Variants in COX10 observed in about 807,000 individuals in gnomAD.
The protein encoded by COX10 is cytochrome c oxidase assembly factor heme A:farnesyltransferase COX10, also known as protoheme IX farnesyltransferase, mitochondrial.
COX10 carries 27 observed loss-of-function variants against 37.3 expected under a neutral mutation model. The observed-to-expected ratio is 0.72, with a 90% CI of 0.53 to 1.00. COX10 has a LOEUF of 1.00. Ranked by LOEUF, COX10 falls within the 50% of genes least tolerant of loss-of-function variation. The pLI is 0.00. For missense variants in COX10, 475 were observed against 563.2 expected (o/e 0.84, Z 1.59); for synonymous variants, 222 against 229.1 (o/e 0.97, Z 0.28).
chr17:14,202,057 T>C (rs1906556685), intron 6 of COX10, among the ~76,000 whole-genome samples: 1 of 151,090 alleles, frequency 6.6e-6, no homozygotes, highest in Non-Finnish European at 1.5e-5. Context: ...AAATGCCTTC[T>C]AGTTGATAGT....
chr17:14,176,277 C>A (rs1209090003), intron 5 of COX10, among the ~76,000 whole-genome samples: 6 of 151,992 alleles, frequency 3.9e-5, no homozygotes, highest in African/African-American at 1.5e-4. Flanking sequence ...ACCTGTAATT[C>A]ATTATAAGGG....
intron 5 of COX10, among the ~76,000 whole-genome samples, chr17:14,174,531 A>T (rs1028088444): frequency 3.3e-5 from 5 of 152,166 alleles, no homozygotes; most frequent in African/African-American, 1.2e-4. Context: ...GGCGTTAAAT[A>T]AGCAAAAGAT....
At chr17:14,092,122 C>T (rs747123838) in intron 3 of COX10, among the ~76,000 whole-genome samples, 1 of 151,960 alleles carries the variant, frequency 6.6e-6, no homozygotes, top group African/African-American at 2.4e-5. Context: ...CAAGGAAAAG[C>T]GATAATTGAA....
chr17:14,119,799 T>C (rs1483180844), intron 4 of COX10, among the ~76,000 whole-genome samples: 2 of 152,154 alleles, frequency 1.3e-5, no homozygotes, highest in Non-Finnish European at 2.9e-5. Context: ...AGGGTGTAGC[T>C]CAGACCATGA....
chr17:14,163,129 T>C (rs1905202033), intron 5 of COX10, among the ~76,000 whole-genome samples: 1 of 152,226 alleles, frequency 6.6e-6, no homozygotes, highest in Non-Finnish European at 1.5e-5. Context: ...GTGCTGCTCT[T>C]CAACCACCAG....
intron 4 of COX10, among the ~76,000 whole-genome samples, chr17:14,111,752 G>T (rs1916008929): frequency 6.6e-6 from 1 of 152,054 alleles, no homozygotes; most frequent in South Asian, 2.1e-4. Flanking sequence ...GTGTCATATT[G>T]CTGTCATTAG....
At chr17:14,090,966 G>C (rs1479496335) in intron 3 of COX10, among the ~76,000 whole-genome samples, 1 of 152,196 alleles carries the variant, frequency 6.6e-6, no homozygotes. Flanking sequence ...ATGGAGAAAA[G>C]AAGTGTAGCG....
At position 14,124,602 on chromosome 17, in the gene COX10, T is replaced by A. The variant is rs144705921; in HGVS notation, c.624+22360T>A. Among the ~76,000 whole-genome samples the A allele has an allele frequency of 9.0e-3, 1,373 of 152,246 alleles. 6 individuals carry two copies. Among genetic ancestry groups the A allele is most frequent in the Non-Finnish European group, 0.014 (986 of 68,012 alleles). On this transcript the variant is annotated intron_variant, in intron 4 of 6. Coordinates refer to ENST00000261643, the MANE Select transcript of COX10 (RefSeq NM_001303.4). ...GCTTCTTGATAATTAAGATGGTATA[T>A]TCATTTCATAACAGTTGATTGTTAG...
intron 6 of COX10, among the ~76,000 whole-genome samples, chr17:14,198,370 G>A (rs1906432246): frequency 6.6e-6 from 1 of 152,082 alleles, no homozygotes; most frequent in Non-Finnish European, 1.5e-5. Flanking sequence ...TCTTGCCAAG[G>A]CCCCCTCTTT....
chr17:14,206,952 G>A lies in COX10; in HGVS notation c.1071G>A (p.Ala357=), dbSNP rs770198211. ...ACCCGGGCCTGTGCCGGCGCGTGGC[G>A]CTGCGCCACTGCCTGGCCCTGCTCG... The part of the protein sequence containing the change: ...VTHPGLCRRV[A]LRHCLALLVL... Residue 357 remains alanine (A), a synonymous_variant, in exon 7 of 7, where the codon GCG becomes GCA. Transcript: ENST00000261643. The A allele has an allele frequency of 2.3e-5, 37 of 1,613,752 alleles. No individual in the cohort carries two copies. In the South Asian group the frequency reaches 3.2e-4, roughly 14 times the overall value.
chr17:14,178,929 C>T (rs1310411091), intron 5 of COX10, among the ~76,000 whole-genome samples: 1 of 152,150 alleles, frequency 6.6e-6, no homozygotes, highest in East Asian at 1.9e-4. Flanking sequence ...GACAAAAGTA[C>T]CTAAGGCAAA....
In COX10 at chr17:14,207,229, C is replaced by T; in HGVS notation, c.*16C>T. The T allele has an allele frequency of 6.4e-7, 1 of 1,566,544 alleles. No homozygotes were observed. Among genetic ancestry groups the T allele is most frequent in the Non-Finnish European group, 8.6e-7 (1 of 1,160,034 alleles). Reference sequence around the variant, plus strand: ...TCCCAGCTGAGAGCACTGGGACGCCCACCGCCCCTTTCCCTCCGCTGCCAG... The same window carrying T: ...TCCCAGCTGAGAGCACTGGGACGCCTACCGCCCCTTTCCCTCCGCTGCCAG... On this transcript the variant is annotated 3_prime_UTR_variant, in exon 7 of 7. Transcript: ENST00000261643.
chr17:14,106,730 C>T (rs757164857), intron 4 of COX10, among the ~76,000 whole-genome samples: 11 of 152,012 alleles, frequency 7.2e-5, no homozygotes, highest in Non-Finnish European at 1.0e-4. Context: ...TGATGACTTA[C>T]GAGGTGGGAG....
chr17:14,110,938 T>C (rs868304552), intron 4 of COX10, among the ~76,000 whole-genome samples: 37 of 152,288 alleles, frequency 2.4e-4, no homozygotes, highest in Middle Eastern at 3.4e-3. Context: ...CATTGGATGA[T>C]TCTGAATTCT....
intron 6 of COX10, among the ~76,000 whole-genome samples, chr17:14,206,329 C>T (rs966446764): frequency 1.3e-5 from 2 of 152,126 alleles, no homozygotes; most frequent in Non-Finnish European, 2.9e-5. Context: ...ACACCCGGGT[C>T]CCAGCGGGCG....
At position 14,076,832 on chromosome 17, in the gene COX10, C is replaced by T; in HGVS notation, c.275C>T (p.Ala92Val). The T allele has an allele frequency of 6.2e-7, 1 of 1,614,062 alleles. No homozygotes were observed. Among genetic ancestry groups the T allele is most frequent in the Non-Finnish European group, 8.5e-7 (1 of 1,180,018 alleles). The change falls in exon 3 of 7, where the codon GCC (alanine) becomes GTC (valine). Residue 92 changes from alanine (A) to valine (V), a missense_variant. Transcript: ENST00000261643. ...PFLEKTSSGQ[A>V]KAEIYEMRPL... The stretch of plus-strand genomic sequence containing the variant: ...CTTGAAAAAACATCTTCAGGTCAAG[C>T]CAAAGCAGAAATATATGAGATGAGA...
chr17:14,169,816 GA>G lies in COX10; in HGVS notation c.695+9872del, dbSNP rs1326815212. Among the ~76,000 whole-genome samples the G allele has an allele frequency of 9.8e-5, 15 of 152,318 alleles. No individual in the cohort carries two copies. In the East Asian group the frequency reaches 2.7e-3, roughly 27 times the overall value. On this transcript the variant is annotated intron_variant, in intron 5 of 6. Transcript: ENST00000261643. ...GTTTGTCCTCACCAAAACTTGTGTTGAAAGTTGATCCCTAATGTTTTGGTGT... is the reference window on the plus strand; with the variant it reads ...GTTTGTCCTCACCAAAACTTGTGTTGAAGTTGATCCCTAATGTTTTGGTGT...
chr17:14,134,191 T>A (rs1294168049), intron 4 of COX10, among the ~76,000 whole-genome samples: 1 of 151,826 alleles, frequency 6.6e-6, no homozygotes, highest in Non-Finnish European at 1.5e-5. Flanking sequence ...TTCTTTGTAG[T>A]TGATTATATA....
At chr17:14,099,364 G>A (rs896918982) in intron 3 of COX10, among the ~76,000 whole-genome samples, 4 of 152,040 alleles carry the variant, frequency 2.6e-5, no homozygotes, top group Admixed American at 1.3e-4. Context: ...CAAGAAATCC[G>A]TGACCCATCT....
Sources: allele counts gnomAD v4.1 joint callset (sites outside exome capture counted in the v4.1 genomes callset), GRCh38; gene constraint gnomAD v4.1.1; transcripts MANE v1.5; gene names NCBI Gene and HGNC (gene_info 2026-07-23, HGNC 2026-07-21).